The following MUC4 variants were observed in gnomAD, a reference collection of about 807,000 sequenced individuals.
MUC4 encodes the protein mucin 4, cell surface associated, also known as mucin-4.
In MUC4, 202 loss-of-function variants were observed where a neutral mutation model predicts 257.9. The ratio of observed to expected loss-of-function variants is 0.78; its 90% CI spans 0.70 to 0.88. The LOEUF is 0.88. Ranked by LOEUF, MUC4 falls within the 40% of genes least tolerant of loss-of-function variation. The pLI, the probability that MUC4 is intolerant of heterozygous loss-of-function variation, is 0.00. For synonymous variants in MUC4, 2,351 were observed against 2,757.1 expected (o/e 0.85, Z 4.62); for missense variants, 5,976 against 6,513.7 (o/e 0.92, Z 2.84).
Position 195,798,057 on chromosome 3 carries a change from G to A in MUC4, c.83-6560C>T, listed in dbSNP as rs199717034. Among the ~76,000 whole-genome samples the A allele has an allele frequency of 6.6e-5, 10 of 152,310 alleles. No homozygotes were observed. In the East Asian group the frequency reaches 1.7e-3, roughly 26 times the overall value. On this transcript the variant is annotated intron_variant, in intron 1 of 24. Transcript: ENST00000463781. ...CACTTGAGCCCAAGAGTTCGAGGCT[G>A]CAGTGAGCTATGATCACCCCACTGT...
At chr3:195,763,255 G>C (rs551969374) in intron 12 of MUC4, among the ~76,000 whole-genome samples, 178 bp downstream of exon 12, 1 of 152,392 alleles carries the variant, frequency 6.6e-6, no homozygotes, top group Non-Finnish European at 1.5e-5. Context: ...CGTGGGGCCA[G>C]AGCCCTAATC....
intron 24 of MUC4, among the ~76,000 whole-genome samples, chr3:195,748,341 A>AT (rs1208138352): frequency 1.3e-5 from 2 of 152,290 alleles, no homozygotes; most frequent in African/African-American, 4.8e-5. Flanking sequence ...AGGTGGACGG[A>AT]TCACCTGAGG....
rs1437400909 is a variant in MUC4, at chr3:195,789,832, C to T, written c.1748G>A (p.Ser583Asn). Residue 583 changes from serine to asparagine, a missense_variant, in exon 2 of 25, where the codon AGC becomes AAC. Transcript: ENST00000463781. ...TTGEALLSSP[S>N]YSVTQMIKTA... The stretch of plus-strand genomic sequence containing the variant: ...TTTTATCATCTGAGTCACACTGTAG[C>T]TTGGGCTGCTGAGAAGAGCCTCTCC... 1.2e-6 allele frequency: 2 copies of T among 1,614,002 alleles called. No homozygotes were observed. The highest frequency in any genetic ancestry group is 3.3e-5 in the Admixed American group (2 of 60,022).
chr3:195,791,422 G>A lies in MUC4; in HGVS notation c.158C>T (p.Thr53Ile), dbSNP rs371889081. ...PVTSTGSTTA[T>I]LEGQSTAASS... ...AGCTGCAGTTGATTGTCCCTCTAGT[G>A]TCGCTGTTGTTGAGCCTGTTGAGGT... Residue 53 changes from threonine to isoleucine, a missense_variant, in exon 2 of 25, where the codon ACA (threonine) becomes ATA (isoleucine). By Grantham distance (89) the Thr-to-Ile change is moderately conservative. This residue lies in a region of MUC4 where 1,583 missense variants were observed against 1,257.4 expected (regional missense o/e 1.26). Coordinates refer to ENST00000463781, the MANE Select transcript of MUC4 (RefSeq NM_018406.7). 8.7e-6 allele frequency: 14 copies of A among 1,613,850 alleles called. No individual in the cohort carries two copies. The highest frequency in any genetic ancestry group is 8.0e-5 in the African/African-American group (6 of 74,884).
At chr3:195,758,301 C>T (rs1037428056) in intron 17 of MUC4, among the ~76,000 whole-genome samples, 1 of 152,122 alleles carries the variant, frequency 6.6e-6, no homozygotes, top group Non-Finnish European at 1.5e-5. Flanking sequence ...CGATGGCACT[C>T]TACTGGGTCC....
Position 195,811,859 on chromosome 3 carries a change from C to G in MUC4, c.-42G>C. The G allele has an allele frequency of 6.3e-7, 1 of 1,596,472 alleles. No individual in the cohort carries two copies. Among genetic ancestry groups the G allele is most frequent in the Non-Finnish European group, 8.6e-7 (1 of 1,165,828 alleles). On this transcript the variant is annotated 5_prime_UTR_variant, in exon 1 of 25. Coordinates refer to ENST00000463781, the MANE Select transcript of MUC4 (RefSeq NM_018406.7). ...CCCCTGGCTCCCTGGGGAAGCTCCA[C>G]GGCCCAGCAGCTGCAGTGTGAGGAG...
At chr3:195,801,442 C>A (rs1221534809) in intron 1 of MUC4, among the ~76,000 whole-genome samples, 1 of 151,976 alleles carries the variant, frequency 6.6e-6, no homozygotes, top group African/African-American at 2.4e-5. Context: ...CTCCCCGGGG[C>A]CCCGGGGCTC....
rs565685292 is a variant in MUC4, at chr3:195,747,383, G to A, written c.16035-3C>T. 1.5e-5 allele frequency: 25 copies of A among 1,613,248 alleles called. No individual in the cohort carries two copies. The East Asian group carries it at 4.9e-4, about 32-fold the overall frequency. Reference sequence around the variant, plus strand: ...TGTAGATGGAGAAGGACACACAGCTGGTGACCAAGAGAGACAGACAGGCGG... The same window carrying A: ...TGTAGATGGAGAAGGACACACAGCTAGTGACCAAGAGAGACAGACAGGCGG... On this transcript the variant is annotated splice_region_variant and splice_polypyrimidine_tract_variant and intron_variant, in intron 24 of 24. Transcript: ENST00000463781.
Position 195,746,872 on chromosome 3 carries a change from C to A in MUC4, c.*304G>T. On this transcript the variant is annotated 3_prime_UTR_variant, in exon 25 of 25. Coordinates refer to ENST00000463781, the MANE Select transcript of MUC4 (RefSeq NM_018406.7). ...ATTTTGCTTAACTTAGGGCCATCAC[C>A]ACATTATGAACTCGTGTGTGTGTGT... is the stretch of plus-strand genomic sequence containing the variant. 2.2e-6 allele frequency: 1 copy of A among 463,508 alleles called. No individual in the cohort carries two copies. The highest frequency in any genetic ancestry group is 3.8e-6 in the Non-Finnish European group (1 of 263,492). The allele number at this position is 463,508 out of a possible 1,614,324, so 28.7% of individuals were successfully genotyped here. A position where few individuals can be genotyped will look rare whatever the true frequency, so the allele number is the denominator to read the frequency against.
Position 195,761,603 on chromosome 3 carries a change from A to G in MUC4, c.14513-18T>C. On this transcript the variant is annotated intron_variant, in intron 14 of 24. Transcript: ENST00000463781. The stretch of plus-strand genomic sequence containing the variant: ...CCAGACCCCTGAGGGACAGAGTGGG[A>G]GGTTGGCCACCCTGGGCACGCGGCT... The G allele has an allele frequency of 6.3e-7, 1 of 1,598,188 alleles. No homozygotes were observed. The highest frequency in any genetic ancestry group is 8.6e-7 in the Non-Finnish European group (1 of 1,165,810).
At chr3:195,765,222 C>T in intron 9 of MUC4, 48 bp downstream of exon 9, 1 of 1,582,980 alleles carries the variant, frequency 6.3e-7, no homozygotes, top group Non-Finnish European at 8.6e-7. Context: ...AGGGCGTGAG[C>T]AGAGAGGGTG....
intron 1 of MUC4, among the ~76,000 whole-genome samples, chr3:195,798,690 T>A (rs576427002): frequency 2.0e-5 from 3 of 151,812 alleles, no homozygotes; most frequent in Non-Finnish European, 2.9e-5. Flanking sequence ...GGTGACAGAG[T>A]GAGACTCCGT....
At chr3:195,758,619 G>T (rs1034689955) in intron 17 of MUC4, among the ~76,000 whole-genome samples, 11 of 135,638 alleles carry the variant, frequency 8.1e-5, no homozygotes, top group African/African-American at 3.1e-4. Context: ...CTGGAGTGCA[G>T]TGACGCGATC....
Position 195,781,428 on chromosome 3 carries a change from C to T in MUC4, c.10152G>A (p.Ser3384=), listed in dbSNP as rs879490024. ...TTRLPVTDIS[S]ASTGQATPLP... ...GAGGGGTGGCCTGACCTGTGGATGC[C>T]GAGGAAATGTCGGTGACAGGAAGAC... is the stretch of plus-strand genomic sequence containing the variant. Residue 3384 remains serine, a synonymous_variant, in exon 2 of 25, where the codon TCG becomes TCA. Coordinates refer to ENST00000463781, the MANE Select transcript of MUC4 (RefSeq NM_018406.7). 1,886 of 1,365,192 alleles carry T rather than the reference C, an allele frequency of 1.4e-3. 226 individuals carry two copies. In the African/African-American group the frequency reaches 0.035, roughly 25 times the overall value. The allele number at this position is 1,365,192 out of a possible 1,614,324, so 84.6% of individuals were successfully genotyped here.
chr3:195,777,721 C>G (rs1725215600), intron 3 of MUC4, among the ~76,000 whole-genome samples: 1 of 36,292 alleles, frequency 2.8e-5, no homozygotes, highest in Non-Finnish European at 5.9e-5. Flanking sequence ...CTTCCACACC[C>G]ATACCTTCCA....
chr3:195,787,692 A>G lies in MUC4; in HGVS notation c.3888T>C (p.Pro1296=). 1 of 622,092 alleles carries G rather than the reference A, an allele frequency of 1.6e-6. No individual in the cohort carries two copies. Among genetic ancestry groups the G allele is most frequent in the Non-Finnish European group, 2.4e-6 (1 of 418,890 alleles). 38.5% of individuals were successfully genotyped at this position (622,092 alleles called of 1,614,324 possible). The change falls in exon 2 of 25, where the codon CCT becomes CCC. Residue 1296 remains proline, a synonymous_variant. Coordinates refer to ENST00000463781, the MANE Select transcript of MUC4 (RefSeq NM_018406.7). ...CTGAGGAAGGGCTGGTGACATGAAG[A>G]GGAGTGACGTGACCTGTGGATGCTG... ...TSSASTGHVT[P]LHVTSPSSAS...
At chr3:195,767,113 G>A (rs1720681294) in intron 7 of MUC4, among the ~76,000 whole-genome samples, 1 of 152,102 alleles carries the variant, frequency 6.6e-6, no homozygotes, top group Non-Finnish European at 1.5e-5. Flanking sequence ...TAGGGACAGT[G>A]TATTGTGATG....
chr3:195,761,542 A>G lies in MUC4; in HGVS notation c.14556T>C (p.Asn4852=). Reference sequence around the variant, plus strand: ...GGCTCCCTGGGGGAATGGTGGAGCCATTGGGCATCCTGAAGTCGTCCTCTG... The same window carrying G: ...GGCTCCCTGGGGGAATGGTGGAGCCGTTGGGCATCCTGAAGTCGTCCTCTG... The part of the protein sequence containing the change: ...NNPEDDFRMP[N]GSTIPPGSPE... Residue 4852 remains asparagine, a synonymous_variant, in exon 15 of 25, where the codon AAT becomes AAC. Coordinates refer to ENST00000463781, the MANE Select transcript of MUC4 (RefSeq NM_018406.7). The G allele has an allele frequency of 6.2e-7, 1 of 1,614,136 alleles. No homozygotes were observed. The highest frequency in any genetic ancestry group is 8.5e-7 in the Non-Finnish European group (1 of 1,179,984).
At position 195,765,139 on chromosome 3, in the gene MUC4, C is replaced by G. The variant is rs775638501; in HGVS notation, c.13799-17G>C. 1.6e-5 allele frequency: 26 copies of G among 1,606,956 alleles called. No individual in the cohort carries two copies. In the East Asian group the frequency reaches 5.8e-4, roughly 36 times the overall value. ...CCCAGCGACCTGAAACAAGTCCAGT[C>G]CCACTCAGGCCCAGGCTGGGGCTGC... On this transcript the variant is annotated splice_polypyrimidine_tract_variant and intron_variant, in intron 9 of 24. Coordinates refer to ENST00000463781, the MANE Select transcript of MUC4 (RefSeq NM_018406.7).
Sources: gnomAD v4.1 joint callset for allele counts (sites outside exome capture counted in the v4.1 genomes callset) on GRCh38, gnomAD v4.1.1 for gene constraint, gnomAD v4.1.1 regional missense constraint, MANE v1.5 for transcripts, NCBI Gene and HGNC (gene_info 2026-07-23, HGNC 2026-07-21) for gene names.